Variants in JAZF1 observed in about 807,000 individuals in gnomAD.
JAZF1 encodes the protein JAZF zinc finger 1.
In JAZF1, 8 loss-of-function variants were observed where a neutral mutation model predicts 26.4. The observed-to-expected ratio is 0.30, with a 90% CI of 0.18 to 0.55. The LOEUF (loss-of-function observed/expected upper bound fraction) is 0.55. JAZF1 is among the 20% of genes least tolerant of loss of function. The pLI is 0.94. For missense variants in JAZF1, 199 were observed against 322.0 expected (o/e 0.62, Z 2.92); for synonymous variants, 126 against 122.3 (o/e 1.03, Z -0.20).
chr7:28,015,610 A>C (rs534443255), intron 1 of JAZF1, among the ~76,000 whole-genome samples: 4 of 152,212 alleles, frequency 2.6e-5, no homozygotes, highest in Non-Finnish European at 2.9e-5. Flanking sequence ...TAAAATATTT[A>C]TGAAATATTT....
chr7:28,110,498 G>GC (rs1554289014), intron 1 of JAZF1, among the ~76,000 whole-genome samples: 1 of 37,716 alleles, frequency 2.7e-5, no homozygotes, highest in Non-Finnish European at 5.7e-5. Context: ...GAAAGGAAAG[G>GC]AAAGGAAAAG....
chr7:28,036,037 C>G (rs1783287094), intron 1 of JAZF1, among the ~76,000 whole-genome samples: 2 of 152,280 alleles, frequency 1.3e-5, no homozygotes, highest in South Asian at 4.1e-4. Flanking sequence ...GCTCTAGCCT[C>G]TCTATAAGTA....
rs187065116 is a variant in JAZF1, at chr7:27,869,427, T to G, written c.385+25793A>C. The stretch of plus-strand genomic sequence containing the variant: ...TCCATTGTAATAAATGTGGACAGAC[T>G]AGGTATTTTGGGGACTCTAGACAGC... On this transcript the variant is annotated intron_variant, in intron 3 of 4. Coordinates refer to ENST00000283928, the MANE Select transcript of JAZF1 (RefSeq NM_175061.4). 3.1e-3 allele frequency among the ~76,000 whole-genome samples: 475 copies of G among 152,252 alleles called. 3 individuals carry two copies. The highest frequency in any genetic ancestry group is 0.011 in the African/African-American group (460 of 41,548).
At chr7:28,120,573 T>C (rs1387394441) in intron 1 of JAZF1, among the ~76,000 whole-genome samples, 2 of 133,746 alleles carry the variant, frequency 1.5e-5, no homozygotes, top group Non-Finnish European at 3.1e-5. Context: ...AATGGCGCGA[T>C]CTTGGCTCAC....
At chr7:28,110,503 G>GA (rs769267796) in intron 1 of JAZF1, among the ~76,000 whole-genome samples, 1 of 81,022 alleles carries the variant, frequency 1.2e-5, no homozygotes, top group Non-Finnish European at 2.1e-5. Flanking sequence ...GAAAGGAAAG[G>GA]AAAAGGAAAG....
At chr7:28,090,011 C>T (rs1396420789) in intron 1 of JAZF1, among the ~76,000 whole-genome samples, 3 of 152,152 alleles carry the variant, frequency 2.0e-5, no homozygotes, top group African/African-American at 7.2e-5. Context: ...GATTTGGGTC[C>T]CCAAGAAGTT....
At chr7:28,111,857 G>T (rs1174239876) in intron 1 of JAZF1, among the ~76,000 whole-genome samples, 1 of 152,162 alleles carries the variant, frequency 6.6e-6, no homozygotes. Context: ...TTGCAGCCAG[G>T]GTGATCATTT....
chr7:28,171,147 C>T (rs987120718), intron 1 of JAZF1, among the ~76,000 whole-genome samples: 4 of 152,224 alleles, frequency 2.6e-5, no homozygotes, highest in African/African-American at 4.8e-5. Flanking sequence ...CTTCTCACCA[C>T]CCAGGCCTCT....
At chr7:28,020,266 G>T (rs1176705181) in intron 1 of JAZF1, among the ~76,000 whole-genome samples, 6 of 152,126 alleles carry the variant, frequency 3.9e-5, no homozygotes, top group Admixed American at 2.6e-4. Flanking sequence ...CAAAATGGGG[G>T]AATTCCTAAG....
intron 2 of JAZF1, among the ~76,000 whole-genome samples, chr7:27,931,277 A>G (rs1784684847): frequency 6.6e-6 from 1 of 152,226 alleles, no homozygotes; most frequent in South Asian, 2.1e-4. Context: ...TGTTTCAATA[A>G]AACTTTATTT....
intron 2 of JAZF1, among the ~76,000 whole-genome samples, chr7:27,954,479 G>A (rs759241852): frequency 2.6e-5 from 4 of 152,074 alleles, no homozygotes; most frequent in Non-Finnish European, 5.9e-5. Context: ...CTGCAATATC[G>A]ATCTTGTCCT....
At chr7:28,020,446 A>T in intron 1 of JAZF1, 1 of 384,204 alleles carries the variant, frequency 2.6e-6, no homozygotes, top group South Asian at 2.0e-5. Flanking sequence ...GAGGAGAGCC[A>T]GCGCCTCCAC....
chr7:28,080,676 A>G (rs896520704), intron 1 of JAZF1, among the ~76,000 whole-genome samples: 2 of 152,206 alleles, frequency 1.3e-5, no homozygotes, highest in Non-Finnish European at 2.9e-5. Flanking sequence ...AGGGAGAGGA[A>G]GAGAGACAGA....
chr7:27,885,852 A>T (rs956446106), intron 3 of JAZF1, among the ~76,000 whole-genome samples: 2 of 152,198 alleles, frequency 1.3e-5, no homozygotes, highest in Non-Finnish European at 2.9e-5. Context: ...AGTGCAGACC[A>T]AAAATAAACA....
intron 3 of JAZF1, among the ~76,000 whole-genome samples, chr7:27,853,257 T>A (rs1783184789): frequency 6.6e-6 from 1 of 152,160 alleles, no homozygotes; most frequent in African/African-American, 2.4e-5. Context: ...TTACAGCAGG[T>A]TTTTGTTCAA....
At chr7:27,901,961 G>A (rs906663978) in intron 2 of JAZF1, among the ~76,000 whole-genome samples, 1 of 152,126 alleles carries the variant, frequency 6.6e-6, no homozygotes, top group Non-Finnish European at 1.5e-5. Flanking sequence ...GCGACCTGGT[G>A]CGCTCACATG....
At position 27,978,551 on chromosome 7, in the gene JAZF1, A is replaced by G. The variant is rs531222538; in HGVS notation, c.188+13358T>C. Reference sequence around the variant, plus strand: ...TGTATCAGAAAAAGAACAAAAAGCCATTCTGAATAAAAGGCTTCAGGGTTC... The same window carrying G: ...TGTATCAGAAAAAGAACAAAAAGCCGTTCTGAATAAAAGGCTTCAGGGTTC... On this transcript the variant is annotated intron_variant, in intron 2 of 4. Coordinates refer to ENST00000283928, the MANE Select transcript of JAZF1 (RefSeq NM_175061.4). Among the ~76,000 whole-genome samples, 155 of 152,336 alleles carry G rather than the reference A, an allele frequency of 1.0e-3. 1 individual carries two copies. The highest frequency in any genetic ancestry group is 3.6e-3 in the African/African-American group (151 of 41,568).
At chr7:28,014,329 G>A (rs1433959390) in intron 1 of JAZF1, among the ~76,000 whole-genome samples, 1 of 152,128 alleles carries the variant, frequency 6.6e-6, no homozygotes, top group African/African-American at 2.4e-5. Flanking sequence ...ACACAAGCAG[G>A]GGTTCTCTCT....
At chr7:28,015,219 G>A (rs1049050171) in intron 1 of JAZF1, among the ~76,000 whole-genome samples, 1 of 152,164 alleles carries the variant, frequency 6.6e-6, no homozygotes, top group African/African-American at 2.4e-5. Context: ...ACGTGGGAAA[G>A]ATGGTATCAT....
Sources: gnomAD v4.1 joint callset for allele counts (sites outside exome capture counted in the v4.1 genomes callset) on GRCh38, gnomAD v4.1.1 for gene constraint, MANE v1.5 for transcripts, NCBI Gene and HGNC (gene_info 2026-07-23, HGNC 2026-07-21) for gene names.